The following KIF1A variants were observed in gnomAD, a reference collection of about 807,000 sequenced individuals.
KIF1A encodes kinesin-like protein KIF1A.
A neutral mutation model predicts 227.3 loss-of-function variants in KIF1A; 46 were observed. The ratio of observed to expected loss-of-function variants is 0.20; its 90% CI spans 0.16 to 0.26. The LOEUF (loss-of-function observed/expected upper bound fraction) is 0.26, where lower values mean the gene tolerates loss of function less well. Ranked by LOEUF, KIF1A falls within the 10% of genes least tolerant of loss-of-function variation. The pLI is 1.00. For synonymous variants in KIF1A, 1,022 were observed against 1,012.8 expected, an observed-to-expected ratio of 1.01 and a Z score of -0.17; for missense variants, 1,683 against 2,485.9, an observed-to-expected ratio of 0.68 and a Z score of 6.87.
intron 1 of KIF1A, among the ~76,000 whole-genome samples, chr2:240,812,484 C>T (rs2057941154): frequency 6.6e-6 from 1 of 152,172 alleles, no homozygotes; most frequent in Non-Finnish European, 1.5e-5. Flanking sequence ...CCCGCCTTTA[C>T]CTCGGGATCT....
intron 27 of KIF1A, among the ~76,000 whole-genome samples, chr2:240,751,919 C>T (rs2049264904): frequency 6.6e-6 from 1 of 152,170 alleles, no homozygotes. Context: ...TCAGGACCTT[C>T]CCCTTGGCCG....
chr2:240,769,083 C>T (rs746320272), intron 17 of KIF1A, 50 bp downstream of exon 17: 30 of 1,501,022 alleles, frequency 2.0e-5, no homozygotes, highest in Non-Finnish European at 2.6e-5. Flanking sequence ...AGCACCTCAC[C>T]TGGTCCTGTT....
intron 46 of KIF1A, 22 bp from the exon 47 acceptor site, chr2:240,719,220 C>A: frequency 1.3e-6 from 2 of 1,582,956 alleles, no homozygotes; most frequent in South Asian, 2.3e-5. Flanking sequence ...GAGAGCTGCT[C>A]GCTGGGGCCC....
intron 1 of KIF1A, among the ~76,000 whole-genome samples, chr2:240,811,226 G>T (rs1046998650): frequency 5.9e-5 from 9 of 152,076 alleles, no homozygotes; most frequent in Admixed American, 1.3e-4. Flanking sequence ...TTAGCTCAGC[G>T]TGGTGGCAGG....
At position 240,755,019 on chromosome 2, in the gene KIF1A, GC is replaced by G. The variant is rs752429001; in HGVS notation, c.2858+2299del. Among the ~76,000 whole-genome samples the G allele has an allele frequency of 4.6e-5, 7 of 152,262 alleles. No homozygotes were observed. The South Asian group carries it at 1.5e-3, about 32-fold the overall frequency. ...TCCCAGGCAGTCAGCCTCTCGCCCT[GC>G]TCTCTCTGCAGCTCCTGTGCCCACC... On this transcript the variant is annotated intron_variant, in intron 27 of 48. Transcript: ENST00000498729.
intron 27 of KIF1A, among the ~76,000 whole-genome samples, chr2:240,755,068 C>T (rs1474601307): frequency 6.6e-6 from 1 of 152,212 alleles, no homozygotes; most frequent in Non-Finnish European, 1.5e-5. Context: ...GTTTCCTACC[C>T]CTCCTATGCC....
At position 240,758,577 on chromosome 2, in the gene KIF1A, C is replaced by A; in HGVS notation, c.2445-80G>T. 7.2e-7 allele frequency: 1 copy of A among 1,393,300 alleles called. No individual in the cohort carries two copies. 86.3% of individuals were successfully genotyped at this position (1,393,300 alleles called of 1,614,324 possible). The stretch of plus-strand genomic sequence containing the variant: ...ACCGCACACCCTTATCTCCTGGGGA[C>A]AGTGGGCTCAGCCTAGCTCTGGCCA... On this transcript the variant is annotated intron_variant, in intron 25 of 48. Coordinates refer to ENST00000498729, the MANE Select transcript of KIF1A (RefSeq NM_001244008.2). This position sits in a 1 kb window ranked among gnomAD's most constrained non-coding sequence, Gnocchi z 5.2.
At chr2:240,791,100 G>A (rs2055608692) in intron 2 of KIF1A, among the ~76,000 whole-genome samples, 1 of 152,060 alleles carries the variant, frequency 6.6e-6, no homozygotes, top group African/African-American at 2.4e-5. Flanking sequence ...CAGCAGGAGG[G>A]AGCTGGGGAC....
intron 27 of KIF1A, among the ~76,000 whole-genome samples, chr2:240,751,509 A>G (rs1575572996): frequency 1.3e-5 from 2 of 152,080 alleles, no homozygotes; most frequent in East Asian, 3.9e-4. Context: ...AATACCCCTG[A>G]CCTTCCTGCA....
At chr2:240,773,467 G>A (rs1224736142) in intron 12 of KIF1A, among the ~76,000 whole-genome samples, 1 of 152,176 alleles carries the variant, frequency 6.6e-6, no homozygotes. Context: ...GGCCAGAGAA[G>A]ACTTACAAGG....
chr2:240,720,862 A>G, intron 45 of KIF1A, 52 bp downstream of exon 45: 12 of 1,501,022 alleles, frequency 8.0e-6, no homozygotes, highest in Non-Finnish European at 1.1e-5. Flanking sequence ...GGCCATGGTC[A>G]TGGGTCAGCC....
Position 240,763,294 on chromosome 2 carries a change from C to T in KIF1A, c.1821G>A (p.Glu607=). The change falls in exon 21 of 49, where the codon GAG becomes GAA. Residue 607 remains glutamate (E), a synonymous_variant. Coordinates refer to ENST00000498729, the MANE Select transcript of KIF1A (RefSeq NM_001244008.2). Reference sequence around the variant, plus strand: ...TGCGCTCACGCTCCTGCCGGGCCTGCTCGGGGTGGTTGAACCGGAACACAT... The same window carrying T: ...TGCGCTCACGCTCCTGCCGGGCCTGTTCGGGGTGGTTGAACCGGAACACAT... ...KSHVFRFNHP[E]QARQERERTP... 1 of 1,604,232 alleles carries T rather than the reference C, an allele frequency of 6.2e-7. No homozygotes were observed. The highest frequency in any genetic ancestry group is 8.5e-7 in the Non-Finnish European group (1 of 1,175,626).
intron 1 of KIF1A, among the ~76,000 whole-genome samples, chr2:240,810,556 T>A (rs979682442): frequency 6.6e-6 from 1 of 152,120 alleles, no homozygotes; most frequent in Non-Finnish European, 1.5e-5. Context: ...ACTCTGCAAG[T>A]AGAGATGCTA....
Position 240,775,967 on chromosome 2 carries a change from G to T in KIF1A, c.883-41C>A. The T allele has an allele frequency of 7.2e-7, 1 of 1,396,788 alleles. No individual in the cohort carries two copies. The highest frequency in any genetic ancestry group is 1.0e-6 in the Non-Finnish European group (1 of 983,078). The allele number at this position is 1,396,788 out of a possible 1,614,324, so 86.5% of individuals were successfully genotyped here. On this transcript the variant is annotated intron_variant, in intron 10 of 48. Transcript: ENST00000498729. This position sits in a 1 kb window ranked among gnomAD's most constrained non-coding sequence, Gnocchi z 5.5. The stretch of plus-strand genomic sequence containing the variant: ...ATTCAAGGTCAAGCCCGAGCCCACT[G>T]CAGAGGAAGCGAAAGGGAGGGGCCA...
intron 5 of KIF1A, among the ~76,000 whole-genome samples, chr2:240,786,834 G>GCCACCA (rs1553638780): frequency 6.7e-6 from 1 of 148,542 alleles, no homozygotes; most frequent in Non-Finnish European, 1.5e-5. Context: ...GAGGGTGGGG[G>GCCACCA]CTGCCTGCTG....
At chr2:240,755,176 G>A (rs1467927486) in intron 27 of KIF1A, among the ~76,000 whole-genome samples, 5 of 152,248 alleles carry the variant, frequency 3.3e-5, no homozygotes, top group Non-Finnish European at 2.9e-5. Context: ...CAGACCGCCA[G>A]AGGCAGAGGC....
chr2:240,818,183 C>T (rs2058463927), intron 1 of KIF1A, among the ~76,000 whole-genome samples: 2 of 152,266 alleles, frequency 1.3e-5, no homozygotes, highest in African/African-American at 4.8e-5. Context: ...ATTCCAGCCT[C>T]TGTCCACCCT....
chr2:240,713,913 G>A lies in KIF1A; in HGVS notation c.*3451C>T, dbSNP rs1478525674. 1 of 152,882 alleles carries A rather than the reference G, an allele frequency of 6.5e-6. No homozygotes were observed. The highest frequency in any genetic ancestry group is 1.5e-5 in the Non-Finnish European group (1 of 68,214). The allele number at this position is 152,882 out of a possible 1,614,324, so 9.5% of individuals were successfully genotyped here. A position where few individuals can be genotyped will look rare whatever the true frequency, so the allele number is the denominator to read the frequency against. ...ACGGCAGCTATGACATGGGGTCTGGGGTGTGCCCACAGCAATCACATATGT... is the reference window on the plus strand; with the variant it reads ...ACGGCAGCTATGACATGGGGTCTGGAGTGTGCCCACAGCAATCACATATGT... On this transcript the variant is annotated 3_prime_UTR_variant, in exon 49 of 49. Coordinates refer to ENST00000498729, the MANE Select transcript of KIF1A (RefSeq NM_001244008.2).
chr2:240,750,249 C>A (rs1460077959), intron 28 of KIF1A, among the ~76,000 whole-genome samples, 180 bp downstream of exon 28: 1 of 152,152 alleles, frequency 6.6e-6, no homozygotes, highest in Non-Finnish European at 1.5e-5. Context: ...CAGCCCAGGA[C>A]AGCGTGGAAA....
Sources: allele counts gnomAD v4.1 joint callset (sites outside exome capture counted in the v4.1 genomes callset), GRCh38; gene constraint gnomAD v4.1.1; non-coding constraint Gnocchi (gnomAD v3.1); transcripts MANE v1.5; gene names NCBI Gene and HGNC (gene_info 2026-07-23, HGNC 2026-07-21).